Variants in BPI observed in about 807,000 individuals in gnomAD.
The protein encoded by BPI is bactericidal permeability-increasing protein.
A neutral mutation model predicts 57.6 loss-of-function variants in BPI; 48 were observed. The ratio of observed to expected loss-of-function variants is 0.83; its 90% CI spans 0.66 to 1.06. The LOEUF is 1.06. Ranked by LOEUF, BPI falls within the 50% of genes least tolerant of loss-of-function variation. BPI has a pLI of 0.00. For missense variants in BPI, 651 were observed against 609.7 expected (o/e 1.07, Z -0.71); for synonymous variants, 237 against 238.2 (o/e 0.99, Z 0.05).
At chr20:38,321,853 C>CAGAG (rs1440306739) in intron 7 of BPI, 1 of 150,812 alleles carries the variant, frequency 6.6e-6, no homozygotes, top group African/African-American at 2.5e-5. Context: ...CACACACACA[C>CAGAG]ACAGAGAGAG....
chr20:38,320,566 C>A (rs2076676503), intron 7 of BPI, among the ~76,000 whole-genome samples: 1 of 151,540 alleles, frequency 6.6e-6, no homozygotes, highest in Admixed American at 6.6e-5. Flanking sequence ...TCCTTCAAGT[C>A]TTTGCTCAAA....
rs149138124 is a variant in BPI, at chr20:38,312,211, T to C, written c.600+274T>C. On this transcript the variant is annotated intron_variant, in intron 5 of 14. Coordinates refer to ENST00000642449, the MANE Select transcript of BPI (RefSeq NM_001725.3). ...TCTGCTTTTCCCCAGCCTTCCTCCC[T>C]GCTGAGAAAATGCCATTCTCTTTCT... Among the ~76,000 whole-genome samples, 761 of 152,260 alleles carry C rather than the reference T, an allele frequency of 5.0e-3. 7 individuals are homozygous for C. The highest frequency in any genetic ancestry group is 0.017 in the African/African-American group (711 of 41,546).
chr20:38,304,689 T>C (rs565265960), intron 1 of BPI, among the ~76,000 whole-genome samples: 1 of 152,304 alleles, frequency 6.6e-6, no homozygotes, highest in East Asian at 1.9e-4. Flanking sequence ...GTTCTCAGCC[T>C]TGCCATTTGC....
At chr20:38,307,523 TCCA>T in intron 1 of BPI, 41 bp from the exon 2 acceptor site, 1 of 1,474,004 alleles carries the variant, frequency 6.8e-7, no homozygotes, top group Non-Finnish European at 9.3e-7. Flanking sequence ...TGTCCCCTGC[TCCA>T]GGCTGTGCCT....
intron 1 of BPI, among the ~76,000 whole-genome samples, chr20:38,306,102 G>T (rs952493406): frequency 6.6e-5 from 10 of 152,166 alleles, no homozygotes; most frequent in African/African-American, 2.2e-4. Flanking sequence ...TGCCATCTCA[G>T]CTCACTGCAA....
At chr20:38,334,688 G>A (rs1318037378) in intron 13 of BPI, among the ~76,000 whole-genome samples, 195 bp downstream of exon 13, 1 of 152,116 alleles carries the variant, frequency 6.6e-6, no homozygotes, top group East Asian at 1.9e-4. Context: ...ACTACACATG[G>A]GTTGATTCAT....
At chr20:38,312,879 A>G (rs1568810339) in intron 5 of BPI, among the ~76,000 whole-genome samples, 1 of 152,256 alleles carries the variant, frequency 6.6e-6, no homozygotes, top group East Asian at 1.9e-4. Flanking sequence ...ACAGTGGACT[A>G]TAGAATGGGT....
chr20:38,320,476 C>T (rs1018521733), intron 7 of BPI, among the ~76,000 whole-genome samples: 2 of 151,992 alleles, frequency 1.3e-5, no homozygotes, highest in African/African-American at 4.8e-5. Flanking sequence ...CCTGCCCCAC[C>T]CCCCTCCAAA....
intron 10 of BPI, 139 bp downstream of exon 10, chr20:38,326,571 T>C: frequency 2.8e-6 from 3 of 1,075,310 alleles, no homozygotes; most frequent in Middle Eastern, 3.2e-4. Flanking sequence ...CTTGAGTCAC[T>C]GTACTCAATG....
At position 38,331,144 on chromosome 20, in the gene BPI, G is replaced by T; in HGVS notation, c.1272+54G>T. 6 of 1,572,448 alleles carry T rather than the reference G, an allele frequency of 3.8e-6. No individual in the cohort carries two copies. The Admixed American group carries it at 6.7e-5, about 18-fold the overall frequency. ...CCTCCTTCTGACCTGGCGGCGGGGA[G>T]GGGGACATGTCATAGGCTCAAGGCA... On this transcript the variant is annotated intron_variant, in intron 12 of 14. Transcript: ENST00000642449.
chr20:38,337,286 G>C lies in BPI; in HGVS notation c.*102G>C. The C allele has an allele frequency of 9.8e-7, 1 of 1,021,940 alleles. No homozygotes were observed. Among genetic ancestry groups the C allele is most frequent in the Non-Finnish European group, 1.4e-6 (1 of 697,324 alleles). 63.3% of individuals were successfully genotyped at this position (1,021,940 alleles called of 1,614,324 possible). On this transcript the variant is annotated 3_prime_UTR_variant, in exon 15 of 15. Coordinates refer to ENST00000642449, the MANE Select transcript of BPI (RefSeq NM_001725.3). ...GGAATCCTCTCCAGATCTTAACCAA[G>C]AGCCCCTTGCAAACTTCTTCGACTC...
intron 5 of BPI, 49 bp downstream of exon 5, chr20:38,311,986 A>G (rs890924366): frequency 6.4e-7 from 1 of 1,567,068 alleles, no homozygotes; most frequent in East Asian, 2.2e-5. Flanking sequence ...AAGGGCCCTT[A>G]GTAACCACAC....
At position 38,334,459 on chromosome 20, in the gene BPI, C is replaced by T. The variant is rs2076757296; in HGVS notation, c.1302C>T (p.Tyr434=). The T allele has an allele frequency of 1.2e-6, 2 of 1,613,892 alleles. No homozygotes were observed. The highest frequency in any genetic ancestry group is 1.7e-6 in the Non-Finnish European group (2 of 1,179,898). ...PVELLQDIMN[Y]IVPILVLPRV... is the part of the protein sequence containing the mutation. ...AATTGCTGCAGGATATCATGAACTA[C>T]ATTGTACCCATTCTTGTGCTGCCCA... The change falls in exon 13 of 15, where the codon TAC becomes TAT. Residue 434 remains tyrosine (Y), a synonymous_variant. Coordinates refer to ENST00000642449, the MANE Select transcript of BPI (RefSeq NM_001725.3).
chr20:38,310,616 A>G lies in BPI; in HGVS notation c.500A>G (p.Asn167Ser), dbSNP rs1347375031. 1 of 1,614,076 alleles carries G rather than the reference A, an allele frequency of 6.2e-7. No individual in the cohort carries two copies. Among genetic ancestry groups the G allele is most frequent in the East Asian group, 2.2e-5 (1 of 44,878 alleles). Residue 167 changes from asparagine to serine, a missense_variant, in exon 4 of 15, where the codon AAC becomes AGC. Physicochemically the swap from Asn to Ser is conservative, Grantham distance 46. Coordinates refer to ENST00000642449, the MANE Select transcript of BPI (RefSeq NM_001725.3). Reference protein sequence around the residue: ...ITCSSCSSHINSVHVHISKSK... With the variant: ...ITCSSCSSHISSVHVHISKSK... ...TGCTCCAGCTGCAGCAGCCACATCA[A>G]CAGTGTCCACGTGCACATCTCAAAG...
intron 10 of BPI, among the ~76,000 whole-genome samples, chr20:38,327,056 T>G (rs185785397): frequency 6.6e-6 from 1 of 152,192 alleles, no homozygotes; most frequent in Non-Finnish European, 1.5e-5. Flanking sequence ...GATCACTCCA[T>G]CACTCCGCAA....
At chr20:38,326,587 G>A (rs1393238647) in intron 10 of BPI, 155 bp downstream of exon 10, 21 of 861,382 alleles carry the variant, frequency 2.4e-5, no homozygotes, top group African/African-American at 1.2e-4. Context: ...CAATGGTGCC[G>A]ACTCCTGGAG....
intron 13 of BPI, 55 bp downstream of exon 13, chr20:38,334,548 T>G: frequency 6.4e-7 from 1 of 1,550,668 alleles, no homozygotes; most frequent in Non-Finnish European, 8.9e-7. Flanking sequence ...GAGGGTGGGG[T>G]TGATTACCCA....
intron 13 of BPI, among the ~76,000 whole-genome samples, chr20:38,335,206 G>T (rs78817939): frequency 6.6e-6 from 1 of 152,138 alleles, no homozygotes; most frequent in Non-Finnish European, 1.5e-5. Flanking sequence ...GCTTGCCCTG[G>T]CCACTGTCCA....
Position 38,309,035 on chromosome 20 carries a change from A to G in BPI, c.351A>G (p.Lys117=), listed in dbSNP as rs2076609800. The G allele has an allele frequency of 6.2e-7, 1 of 1,614,236 alleles. No individual in the cohort carries two copies. Among genetic ancestry groups the G allele is most frequent in the South Asian group, 1.1e-5 (1 of 91,086 alleles). Residue 117 remains lysine (K), a synonymous_variant, in exon 3 of 15, where the codon AAA becomes AAG. Coordinates refer to ENST00000642449, the MANE Select transcript of BPI (RefSeq NM_001725.3). ...ISNANIKISG[K]WKAQKRFLKM... ...ACGCCAATATCAAGATCAGCGGGAA[A>G]TGGAAGGCACAAAAGAGATTCTTGT... is the stretch of plus-strand genomic sequence containing the variant.
Sources: gnomAD v4.1 joint callset for allele counts (sites outside exome capture counted in the v4.1 genomes callset) on GRCh38, gnomAD v4.1.1 for gene constraint, MANE v1.5 for transcripts, NCBI Gene and HGNC (gene_info 2026-07-23, HGNC 2026-07-21) for gene names.